The following METTL15 variants were observed in gnomAD, a reference collection of about 807,000 sequenced individuals.
METTL15 encodes the protein methyltransferase 15, mitochondrial 12S rRNA N4-cytidine.
METTL15 carries 34 observed loss-of-function variants against 38.3 expected under a neutral mutation model. That is an observed-to-expected ratio of 0.89 (90% CI 0.68 to 1.18). The LOEUF (loss-of-function observed/expected upper bound fraction) is 1.18. Ranked by LOEUF, METTL15 falls within the 50% of genes most tolerant of loss-of-function variation. METTL15 has a pLI of 0.00. For missense variants in METTL15, 438 were observed against 498.4 expected, an observed-to-expected ratio of 0.88 and a Z score of 1.15; for synonymous variants, 162 against 170.9, an observed-to-expected ratio of 0.95 and a Z score of 0.41.
At chr11:28,321,379 A>G (rs555598579) in intron 6 of METTL15, among the ~76,000 whole-genome samples, 19 of 152,302 alleles carry the variant, frequency 1.2e-4, no homozygotes. Context: ...AAGGTCAGTG[A>G]CATTTCCATT....
intron 4 of METTL15, among the ~76,000 whole-genome samples, chr11:28,288,425 A>C (rs1305558365): frequency 2.0e-4 from 30 of 152,216 alleles, no homozygotes; most frequent in Non-Finnish European, 1.5e-4. Context: ...AATGCCCATT[A>C]ATGGTAGACT....
intron 4 of METTL15, among the ~76,000 whole-genome samples, chr11:28,226,471 A>G (rs1333028088): frequency 6.6e-6 from 1 of 151,982 alleles, no homozygotes; most frequent in Admixed American, 6.6e-5. Context: ...TTCATATGAT[A>G]TAATATATTC....
intron 4 of METTL15, among the ~76,000 whole-genome samples, chr11:28,356,938 G>T (rs1850095597): frequency 1.3e-5 from 2 of 152,154 alleles, no homozygotes; most frequent in Non-Finnish European, 2.9e-5. Context: ...ACAGGCCCAG[G>T]TGTGCTGGCC....
At chr11:28,329,844 C>A (rs1031892413) in intron 6 of METTL15, among the ~76,000 whole-genome samples, 2 of 151,934 alleles carry the variant, frequency 1.3e-5, no homozygotes, top group African/African-American at 4.8e-5. Flanking sequence ...TAGACTTAGC[C>A]TTCTTCGTAA....
intron 6 of METTL15, among the ~76,000 whole-genome samples, chr11:28,483,423 T>C (rs1453599440): frequency 6.6e-6 from 1 of 152,212 alleles, no homozygotes; most frequent in African/African-American, 2.4e-5. Flanking sequence ...AAAATACTGA[T>C]CAAGAGCCTG....
chr11:28,423,957 A>G (rs757558065), intron 5 of METTL15, among the ~76,000 whole-genome samples: 1 of 152,102 alleles, frequency 6.6e-6, no homozygotes, highest in Non-Finnish European at 1.5e-5. Context: ...AAAATATCCC[A>G]TATACCCCAT....
chr11:28,345,890 A>C (rs1273657937), intron 3 of METTL15, among the ~76,000 whole-genome samples: 2 of 152,254 alleles, frequency 1.3e-5, no homozygotes, highest in Admixed American at 1.3e-4. Context: ...GGAACAAGTA[A>C]TCACAGCATA....
At chr11:28,457,238 C>A (rs7118730) in intron 6 of METTL15, among the ~76,000 whole-genome samples, 61,588 of 152,056 alleles carry the variant, frequency 0.41, 14,285 homozygotes, top group Admixed American at 0.52. Context: ...GCCCAACATG[C>A]AAATGGGCTT....
intron 6 of METTL15, among the ~76,000 whole-genome samples, chr11:28,440,194 C>G (rs1430733189): frequency 6.6e-6 from 1 of 151,882 alleles, no homozygotes; most frequent in South Asian, 2.1e-4. Context: ...AACCAGTGAA[C>G]AAGTTATTCG....
chr11:28,468,511 C>G (rs1340261426), intron 6 of METTL15, among the ~76,000 whole-genome samples: 2 of 152,142 alleles, frequency 1.3e-5, no homozygotes, highest in African/African-American at 2.4e-5. Flanking sequence ...TAGTGCATGT[C>G]TTTTTAAGAG....
At chr11:28,497,882 C>T (rs1466531639) in intron 6 of METTL15, among the ~76,000 whole-genome samples, 1 of 152,010 alleles carries the variant, frequency 6.6e-6, no homozygotes, top group Non-Finnish European at 1.5e-5. Flanking sequence ...GGTGAAATCC[C>T]ATCTCTACTA....
intron 5 of METTL15, among the ~76,000 whole-genome samples, chr11:28,415,719 A>G (rs75178259): frequency 0.026 from 3,966 of 152,288 alleles, 100 homozygotes; most frequent in South Asian, 0.12. Flanking sequence ...GTCTACATCA[A>G]TTCCTTGAGC....
At position 28,341,996 on chromosome 11, in the gene METTL15, T is replaced by A. The variant is rs183760508; in HGVS notation, c.*190-10094T>A. The stretch of plus-strand genomic sequence containing the variant: ...ACCCAATCTAGATCTTTCCTATTTT[T>A]AAAAAACATTCATGAGAAAAGGGGA... On this transcript the variant is annotated intron_variant and NMD_transcript_variant, in intron 3 of 7. Coordinates refer to the METTL15 transcript ENST00000532947. Among the ~76,000 whole-genome samples, 70 of 152,260 alleles carry A rather than the reference T, an allele frequency of 4.6e-4. 1 individual carries two copies. Among genetic ancestry groups the A allele is most frequent in the Admixed American group, 4.1e-3 (62 of 15,288 alleles).
At chr11:28,445,467 T>C (rs529500332) in intron 6 of METTL15, among the ~76,000 whole-genome samples, 1 of 152,262 alleles carries the variant, frequency 6.6e-6, no homozygotes, top group South Asian at 2.1e-4. Context: ...CTTTAATCTA[T>C]AGTCCACATT....
At chr11:28,447,131 G>T (rs991583511) in intron 6 of METTL15, among the ~76,000 whole-genome samples, 1 of 152,050 alleles carries the variant, frequency 6.6e-6, no homozygotes, top group Admixed American at 6.5e-5. Context: ...TTTTTAATAT[G>T]TGTGTATTAC....
At chr11:28,410,673 CA>C (rs1334594588) in intron 5 of METTL15, 1 of 151,968 alleles carries the variant, frequency 6.6e-6, no homozygotes, top group Non-Finnish European at 1.5e-5. Context: ...TGATAATCAA[CA>C]GGGAAAAATG....
intron 6 of METTL15, among the ~76,000 whole-genome samples, chr11:28,456,189 T>G (rs1419158666): frequency 6.6e-6 from 1 of 151,420 alleles, no homozygotes; most frequent in Non-Finnish European, 1.5e-5. Flanking sequence ...AAAAAAATTT[T>G]TGTAGAGATG....
chr11:28,475,655 C>A lies in METTL15; in HGVS notation c.*425-50823C>A, dbSNP rs1405077944. Among the ~76,000 whole-genome samples the A allele has an allele frequency of 2.0e-5, 3 of 152,264 alleles. No individual in the cohort carries two copies. The East Asian group carries it at 5.8e-4, about 29-fold the overall frequency. On this transcript the variant is annotated intron_variant and NMD_transcript_variant, in intron 6 of 7. Transcript: ENST00000532947. The stretch of plus-strand genomic sequence containing the variant: ...TGTTATGTTCTGTTCAGAGTGTTAT[C>A]TTTTAGGCTCCCAAGGTTGCAGTTC...
intron 6 of METTL15, among the ~76,000 whole-genome samples, chr11:28,456,414 C>T (rs1386162558): frequency 6.6e-6 from 1 of 151,842 alleles, no homozygotes; most frequent in Non-Finnish European, 1.5e-5. Flanking sequence ...TCATAGCCCC[C>T]AGGGTTGTTT....
Sources: allele counts gnomAD v4.1 joint callset (sites outside exome capture counted in the v4.1 genomes callset), GRCh38; gene constraint gnomAD v4.1.1; transcripts MANE v1.5; gene names NCBI Gene and HGNC (gene_info 2026-07-23, HGNC 2026-07-21).